The following PRKN variants were observed in gnomAD, a reference collection of about 807,000 sequenced individuals.
PRKN encodes the protein parkin RBR E3 ubiquitin protein ligase, also known as E3 ubiquitin-protein ligase parkin.
A neutral mutation model predicts 59.5 loss-of-function variants in PRKN; 56 were observed. The observed-to-expected ratio is 0.94, with a 90% CI of 0.76 to 1.18. The LOEUF (loss-of-function observed/expected upper bound fraction) is 1.18, where lower values mean the gene tolerates loss of function less well. Among genes scored for constraint, PRKN ranks in the 50% most tolerant of loss-of-function variants. The pLI is 0.00. For synonymous variants in PRKN, 250 were observed against 222.1 expected, an observed-to-expected ratio of 1.13 and a Z score of -1.12; for missense variants, 657 against 596.4, an observed-to-expected ratio of 1.10 and a Z score of -1.06.
chr6:161,405,133 C>A lies in PRKN; in HGVS notation c.1084-18256G>T, dbSNP rs913909010. Reference sequence around the variant, plus strand: ...TTATCTCTCCAAATATCTCACAGGCCTTTACTTTATTATGGGCCAGGAACA... The same window carrying A: ...TTATCTCTCCAAATATCTCACAGGCATTTACTTTATTATGGGCCAGGAACA... On this transcript the variant is annotated intron_variant, in intron 9 of 11. Transcript: ENST00000366898. This position sits in a 1 kb window ranked among gnomAD's most constrained non-coding sequence, Gnocchi z 5.1. Among the ~76,000 whole-genome samples, 2 of 152,158 alleles carry A rather than the reference C, an allele frequency of 1.3e-5. No homozygotes were observed. The highest frequency in any genetic ancestry group is 4.8e-5 in the African/African-American group (2 of 41,434).
At chr6:161,776,547 G>A (rs78036708) in intron 7 of PRKN, among the ~76,000 whole-genome samples, 5,948 of 152,260 alleles carry the variant, frequency 0.039, 389 homozygotes, top group African/African-American at 0.13. Context: ...CATTGAAAAT[G>A]CCTTCTTGCT....
intron 4 of PRKN, among the ~76,000 whole-genome samples, chr6:162,062,621 C>T (rs1005481558): frequency 6.6e-6 from 1 of 152,110 alleles, no homozygotes; most frequent in Non-Finnish European, 1.5e-5. Flanking sequence ...GAGAAGGTGG[C>T]CATCTGCAAG....
intron 5 of PRKN, among the ~76,000 whole-genome samples, chr6:162,018,548 A>G (rs1351538931): frequency 3.3e-5 from 5 of 152,180 alleles, no homozygotes; most frequent in Non-Finnish European, 5.9e-5. Context: ...AATACGAATT[A>G]AGCTCTCATA....
At chr6:162,268,871 G>A (rs905614765) in intron 2 of PRKN, among the ~76,000 whole-genome samples, 1 of 152,184 alleles carries the variant, frequency 6.6e-6, no homozygotes, top group African/African-American at 2.4e-5. Context: ...CCCCAGGTAC[G>A]AAGGAATGAT....
chr6:162,381,263 T>C (rs531751742), intron 2 of PRKN, among the ~76,000 whole-genome samples: 28 of 152,260 alleles, frequency 1.8e-4, no homozygotes, highest in Non-Finnish European at 3.4e-4. Context: ...CAGCAATAAA[T>C]AGAAATTACC....
At chr6:162,059,923 G>A (rs1022146347) in intron 4 of PRKN, among the ~76,000 whole-genome samples, 9 of 152,220 alleles carry the variant, frequency 5.9e-5, no homozygotes, top group African/African-American at 1.7e-4. Context: ...AGAATGTTTC[G>A]TGACACATGA....
At chr6:161,516,605 A>T (rs1411629579) in intron 9 of PRKN, among the ~76,000 whole-genome samples, 1 of 151,384 alleles carries the variant, frequency 6.6e-6, no homozygotes, top group Admixed American at 6.6e-5. Context: ...AGACTGGTGG[A>T]TCACCTGAGA....
intron 1 of PRKN, among the ~76,000 whole-genome samples, chr6:162,658,334 C>A (rs1383951835): frequency 6.6e-6 from 1 of 152,082 alleles, no homozygotes; most frequent in East Asian, 1.9e-4. Flanking sequence ...CAAAATAAGA[C>A]AAATAATATT....
Position 162,005,865 on chromosome 6 carries a change from C to A in PRKN, c.619-32448G>T, listed in dbSNP as rs572343932. The stretch of plus-strand genomic sequence containing the variant: ...AAAGGTTGTGTATTATTTCTATTAT[C>A]TAAATCTATTTAATCCTATAATCTG... On this transcript the variant is annotated intron_variant, in intron 5 of 11. Coordinates refer to ENST00000366898, the MANE Select transcript of PRKN (RefSeq NM_004562.3). Among the ~76,000 whole-genome samples the A allele has an allele frequency of 1.5e-4, 23 of 152,080 alleles. 1 individual carries two copies. Among genetic ancestry groups the A allele is most frequent in the African/African-American group, 5.3e-4 (22 of 41,496 alleles).
chr6:162,311,873 ACTGTCTTT>A (rs1324999810), intron 2 of PRKN, among the ~76,000 whole-genome samples: 1 of 151,440 alleles, frequency 6.6e-6, no homozygotes, highest in Non-Finnish European at 1.5e-5. Context: ...TTTTCTTTTC[ACTGTCTTT>A]CTGTCTTGAA....
rs1361223447 is a variant in PRKN, at chr6:161,475,926, C to T, written c.1083+72928G>A. On this transcript the variant is annotated intron_variant, in intron 9 of 11. Transcript: ENST00000366898. This position sits in a 1 kb window ranked among gnomAD's most constrained non-coding sequence, Gnocchi z 5.3. ...GATAGGCTGGTCGCGGTGGCTCACGCCTGTAATCCCAGCATTTTGGGAGGC... is the reference window on the plus strand; with the variant it reads ...GATAGGCTGGTCGCGGTGGCTCACGTCTGTAATCCCAGCATTTTGGGAGGC... Among the ~76,000 whole-genome samples the T allele has an allele frequency of 6.6e-6, 1 of 152,046 alleles. No individual in the cohort carries two copies. Among genetic ancestry groups the T allele is most frequent in the Non-Finnish European group, 1.5e-5 (1 of 68,022 alleles).
intron 1 of PRKN, among the ~76,000 whole-genome samples, chr6:162,587,649 A>G (rs1781118178): frequency 6.6e-6 from 1 of 152,194 alleles, no homozygotes. Context: ...TATGCAAAGA[A>G]TAGGTTAATC....
intron 5 of PRKN, among the ~76,000 whole-genome samples, chr6:162,049,139 G>A (rs1328298414): frequency 1.3e-5 from 2 of 152,052 alleles, no homozygotes; most frequent in Non-Finnish European, 2.9e-5. Flanking sequence ...AAACTTTACT[G>A]CTATTTAAAA....
chr6:162,269,279 G>A (rs1780269932), intron 2 of PRKN, among the ~76,000 whole-genome samples: 1 of 152,156 alleles, frequency 6.6e-6, no homozygotes, highest in Admixed American at 6.5e-5. Context: ...TGTGTCTGTA[G>A]TACCTACTGT....
chr6:162,107,185 C>T (rs1217031158), intron 4 of PRKN, among the ~76,000 whole-genome samples: 1 of 152,158 alleles, frequency 6.6e-6, no homozygotes, highest in Non-Finnish European at 1.5e-5. Flanking sequence ...AGGTTGAAGG[C>T]CGGGCTCAAT....
At chr6:161,820,894 G>A (rs1583206659) in intron 6 of PRKN, among the ~76,000 whole-genome samples, 1 of 151,532 alleles carries the variant, frequency 6.6e-6, no homozygotes, top group East Asian at 1.9e-4. Context: ...AAGTATAAAC[G>A]CCTTTGGAAA....
intron 6 of PRKN, among the ~76,000 whole-genome samples, chr6:161,951,238 G>A (rs965629480): frequency 3.9e-5 from 6 of 152,110 alleles, no homozygotes; most frequent in African/African-American, 9.7e-5. Context: ...GGAACTCCAA[G>A]TCTGCCTTAA....
chr6:161,693,425 G>T (rs73031062), intron 7 of PRKN, among the ~76,000 whole-genome samples: 17,626 of 152,108 alleles, frequency 0.12, 1,484 homozygotes, highest in South Asian at 0.29. Context: ...GTGGACCAAG[G>T]AATGAAAGTT....
chr6:161,839,589 C>T (rs1323932009), intron 6 of PRKN, among the ~76,000 whole-genome samples: 4 of 152,130 alleles, frequency 2.6e-5, no homozygotes, highest in African/African-American at 9.7e-5. Context: ...GTCCTTGGAA[C>T]CCCAGGAGAG....
Sources: allele counts gnomAD v4.1 joint callset (sites outside exome capture counted in the v4.1 genomes callset), GRCh38; gene constraint gnomAD v4.1.1; non-coding constraint Gnocchi (gnomAD v3.1); transcripts MANE v1.5; gene names NCBI Gene and HGNC (gene_info 2026-07-23, HGNC 2026-07-21).